DUSP1: variants seen among roughly 807,000 people sequenced by gnomAD.
DUSP1 encodes dual specificity protein phosphatase 1.
A neutral mutation model predicts 27.4 loss-of-function variants in DUSP1; 10 were observed. The ratio of observed to expected loss-of-function variants is 0.37; its 90% CI spans 0.23 to 0.62. DUSP1 has a LOEUF of 0.62. DUSP1 is among the 20% of genes least tolerant of loss of function. The pLI, the probability that DUSP1 is intolerant of heterozygous loss-of-function variation, is 0.68. For missense variants in DUSP1, 425 were observed against 508.1 expected (o/e 0.84, Z 1.57); for synonymous variants, 262 against 223.6 (o/e 1.17, Z -1.53).
chr5:172,770,352 C>T (rs1198967610), intron 1 of DUSP1, 46 bp from the exon 2 acceptor site: 2 of 1,608,412 alleles, frequency 1.2e-6, no homozygotes, highest in Non-Finnish European at 1.7e-6. Flanking sequence ...GACACCGGGA[C>T]ACGGCACCTT....
At chr5:172,769,989 T>A (rs1759858256) in intron 2 of DUSP1, among the ~76,000 whole-genome samples, 172 bp downstream of exon 2, 1 of 152,258 alleles carries the variant, frequency 6.6e-6, no homozygotes, top group African/African-American at 2.4e-5. Context: ...CCGTAGAGCC[T>A]ACAATTGGAG....
rs1308725632 is a variant in DUSP1, at chr5:172,769,561, T to C, written c.733+14A>G. The C allele has an allele frequency of 1.2e-6, 2 of 1,613,724 alleles. No homozygotes were observed. Among genetic ancestry groups the C allele is most frequent in the Non-Finnish European group, 1.7e-6 (2 of 1,179,722 alleles). ...GAGAAAGGCAGAAAAGCCCCAGGCA[T>C]CCATTCCATTTACCTATGAAGTCAA... is the stretch of plus-strand genomic sequence containing the variant. On this transcript the variant is annotated intron_variant, in intron 3 of 3. Coordinates refer to ENST00000239223, the MANE Select transcript of DUSP1 (RefSeq NM_004417.4).
Position 172,770,317 on chromosome 5 carries a change from A to G in DUSP1, c.368-11T>C, listed in dbSNP as rs1759866815. 1 of 1,610,696 alleles carries G rather than the reference A, an allele frequency of 6.2e-7. No homozygotes were observed. Among genetic ancestry groups the G allele is most frequent in the Middle Eastern group, 1.7e-4 (1 of 6,036 alleles). On this transcript the variant is annotated splice_polypyrimidine_tract_variant and intron_variant, in intron 1 of 3. Transcript: ENST00000239223. ...ACGCTTCGTATCCTCCTGGGAATACAAAGACATTTTTTTTCCCCATTAGTG... is the reference window on the plus strand; with the variant it reads ...ACGCTTCGTATCCTCCTGGGAATACGAAGACATTTTTTTTCCCCATTAGTG...
chr5:172,769,195 A>G, intron 3 of DUSP1, 63 bp from the exon 4 acceptor site: 1 of 1,543,082 alleles, frequency 6.5e-7, no homozygotes, highest in Non-Finnish European at 8.7e-7. Flanking sequence ...AAGCCCAGGT[A>G]CAGTGTATCT....
Position 172,771,103 on chromosome 5 carries a change from C to T in DUSP1, c.-151G>A. On this transcript the variant is annotated 5_prime_UTR_variant, in exon 1 of 4. Transcript: ENST00000239223. Reference sequence around the variant, plus strand: ...AGCCGCTTTTGGACTGAGAGAGGAGCGTCACGCGGGGCTCCGGGCTCCTCG... The same window carrying T: ...AGCCGCTTTTGGACTGAGAGAGGAGTGTCACGCGGGGCTCCGGGCTCCTCG... 4.5e-6 allele frequency: 5 copies of T among 1,103,514 alleles called. No homozygotes were observed. Among genetic ancestry groups the T allele is most frequent in the Non-Finnish European group, 5.9e-6 (5 of 853,602 alleles). The allele number at this position is 1,103,514 out of a possible 1,614,324, so 68.4% of individuals were successfully genotyped here.
Position 172,770,323 on chromosome 5 carries a change from A to C in DUSP1, c.368-17T>G. On this transcript the variant is annotated splice_polypyrimidine_tract_variant and intron_variant, in intron 1 of 3. Transcript: ENST00000239223. ...CGTATCCTCCTGGGAATACAAAGAC[A>C]TTTTTTTTCCCCATTAGTGACACCG... is the stretch of plus-strand genomic sequence containing the variant. The C allele has an allele frequency of 1.2e-6, 2 of 1,609,386 alleles. No homozygotes were observed. Among genetic ancestry groups the C allele is most frequent in the Non-Finnish European group, 1.7e-6 (2 of 1,178,156 alleles).
At chr5:172,769,337 C>G (rs1170989284) in intron 3 of DUSP1, among the ~76,000 whole-genome samples, 1 of 152,186 alleles carries the variant, frequency 6.6e-6, no homozygotes, top group Non-Finnish European at 1.5e-5. Flanking sequence ...CTGGGGATTT[C>G]CACTTAGCAG....
At chr5:172,769,426 T>C in intron 3 of DUSP1, 149 bp downstream of exon 3, 1 of 943,330 alleles carries the variant, frequency 1.1e-6, no homozygotes, top group Non-Finnish European at 1.6e-6. Context: ...ATCAAATTCA[T>C]ATTTTACAGG....
chr5:172,771,002 T>G lies in DUSP1; in HGVS notation c.-50A>C. The G allele has an allele frequency of 7.5e-7, 1 of 1,339,368 alleles. No individual in the cohort carries two copies. The highest frequency in any genetic ancestry group is 9.6e-7 in the Non-Finnish European group (1 of 1,042,684). The allele number at this position is 1,339,368 out of a possible 1,614,324, so 83.0% of individuals were successfully genotyped here. On this transcript the variant is annotated 5_prime_UTR_variant, in exon 1 of 4. Coordinates refer to ENST00000239223, the MANE Select transcript of DUSP1 (RefSeq NM_004417.4). ...GATCGGCCCTGCGGTGCTCTTTGTC[T>G]GTTCTCGGGGCCAAGGGCAGGGCGG...
chr5:172,769,108 C>A lies in DUSP1; in HGVS notation c.758G>T (p.Arg253Met). ...FIDSIKNAGGRVFVHCQAGIS... is the reference protein window; with the variant it reads ...FIDSIKNAGGMVFVHCQAGIS... Reference sequence around the variant, plus strand: ...GCCTGCCTGGCAGTGGACAAACACCCTTCCTCCAGCATTCTTGATGGAGTC... The same window carrying A: ...GCCTGCCTGGCAGTGGACAAACACCATTCCTCCAGCATTCTTGATGGAGTC... Residue 253 changes from arginine (R) to methionine (M), a missense_variant, in exon 4 of 4, where the codon AGG becomes ATG. This residue lies in a region of DUSP1 where 59 missense variants were observed against 108.4 expected (regional missense o/e 0.54). Transcript: ENST00000239223. 2 of 1,610,756 alleles carry A rather than the reference C, an allele frequency of 1.2e-6. No homozygotes were observed. Among genetic ancestry groups the A allele is most frequent in the Non-Finnish European group, 1.7e-6 (2 of 1,179,586 alleles).
At chr5:172,770,529 G>T (rs1381105878) in intron 1 of DUSP1, 57 bp downstream of exon 1, 13 of 1,459,514 alleles carry the variant, frequency 8.9e-6, no homozygotes, top group Middle Eastern at 2.5e-4. Context: ...AGAGCCAGGG[G>T]TACCGGGCAA....
At chr5:172,769,199 T>G in intron 3 of DUSP1, 67 bp from the exon 4 acceptor site, 2 of 1,535,050 alleles carry the variant, frequency 1.3e-6, no homozygotes, top group Non-Finnish European at 1.7e-6. Context: ...CCAGGTACAG[T>G]GTATCTGAGA....
At chr5:172,770,517 C>G (rs1759870941) in intron 1 of DUSP1, 69 bp downstream of exon 1, 1 of 1,460,918 alleles carries the variant, frequency 6.8e-7, no homozygotes, top group African/African-American at 1.5e-5. Flanking sequence ...CCCCGGGAGC[C>G]GAGAGCCAGG....
At chr5:172,770,510 C>T (rs1581473070) in intron 1 of DUSP1, 76 bp downstream of exon 1, 1 of 1,465,450 alleles carries the variant, frequency 6.8e-7, no homozygotes, top group East Asian at 2.6e-5. Context: ...GGCGATCCCC[C>T]GGGAGCCGAG....
chr5:172,769,509 G>T lies in DUSP1; in HGVS notation c.733+66C>A, dbSNP rs551729898. ...GAAAACTTCAAGCTCTTGCCACAGA[G>T]GTTGGGCTTAGTGGCTAAAATGAGA... On this transcript the variant is annotated intron_variant, in intron 3 of 3. Transcript: ENST00000239223. 1.0e-5 allele frequency: 16 copies of T among 1,567,478 alleles called. No homozygotes were observed. In the Admixed American group the frequency reaches 2.7e-4, roughly 26 times the overall value.
intron 1 of DUSP1, 40 bp downstream of exon 1, chr5:172,770,545 CA>C: frequency 7.0e-7 from 1 of 1,429,970 alleles, no homozygotes. Context: ...GGCAAAACCT[CA>C]GGGGTGTGCG....
At chr5:172,770,017 C>T (rs1759859080) in intron 2 of DUSP1, 144 bp downstream of exon 2, 8 of 1,340,216 alleles carry the variant, frequency 6.0e-6, no homozygotes, top group Non-Finnish European at 7.0e-6. Context: ...TCCGTCAGAC[C>T]ACTTAACTGT....
rs1002985137 is a variant in DUSP1, at chr5:172,768,694, T to C, written c.*68A>G. The C allele has an allele frequency of 4.2e-5, 62 of 1,460,982 alleles. 1 individual carries two copies. Among genetic ancestry groups the C allele is most frequent in the Middle Eastern group, 1.9e-4 (1 of 5,232 alleles). The allele number at this position is 1,460,982 out of a possible 1,614,324, so 90.5% of individuals were successfully genotyped here. A position where few individuals can be genotyped will look rare whatever the true frequency, so the allele number is the denominator to read the frequency against. On this transcript the variant is annotated 3_prime_UTR_variant, in exon 4 of 4. Transcript: ENST00000239223. The stretch of plus-strand genomic sequence containing the variant: ...CCCTCTCGAGCCCCTCCCAGAGTTA[T>C]TGCATTTCTCCTCTCAAGGAGCATG...
At position 172,770,821 on chromosome 5, in the gene DUSP1, G is replaced by T; in HGVS notation, c.132C>A (p.Val44=). 1 of 1,526,448 alleles carries T rather than the reference G, an allele frequency of 6.6e-7. No individual in the cohort carries two copies. The highest frequency in any genetic ancestry group is 1.2e-5 in the South Asian group (1 of 82,072). The allele number at this position is 1,526,448 out of a possible 1,614,324, so 94.6% of individuals were successfully genotyped here. Residue 44 remains valine (V), a synonymous_variant, in exon 1 of 4, where the codon GTC becomes GTA. Coordinates refer to ENST00000239223, the MANE Select transcript of DUSP1 (RefSeq NM_004417.4). ...AFNAGHIAGS[V]NVRFSTIVRR... ...GCACGATGGTGCTGAAGCGCACGTT[G>T]ACAGAGCCGGCGATGTGGCCGGCGT...
Sources: allele counts gnomAD v4.1 joint callset (sites outside exome capture counted in the v4.1 genomes callset), GRCh38; gene constraint gnomAD v4.1.1; regional missense constraint gnomAD v4.1.1; transcripts MANE v1.5; gene names NCBI Gene and HGNC (gene_info 2026-07-23, HGNC 2026-07-21).